The following SUGCT variants were observed in gnomAD, a reference collection of about 807,000 sequenced individuals.
SUGCT encodes succinyl-CoA:glutarate-CoA transferase.
In SUGCT, 41 loss-of-function variants were observed where a neutral mutation model predicts 55.0. The ratio of observed to expected loss-of-function variants is 0.74; its 90% confidence interval spans 0.58 to 0.97. The LOEUF (loss-of-function observed/expected upper bound fraction) is 0.97. Among genes scored for constraint, SUGCT ranks in the 50% least tolerant of loss-of-function variants. SUGCT has a pLI of 0.00. For synonymous variants in SUGCT, 187 were observed against 200.4 expected, an observed-to-expected ratio of 0.93 and a Z score of 0.56; for missense variants, 568 against 547.8, an observed-to-expected ratio of 1.04 and a Z score of -0.37.
the SUGCT span, among the ~76,000 whole-genome samples, chr7:40,878,484 T>C: frequency 6.6e-6 from 1 of 152,214 alleles, no homozygotes; most frequent in Non-Finnish European, 1.5e-5. Flanking sequence ...GAGCTGACTA[T>C]TGGGCTGAAA....
At chr7:40,847,407 C>CTTTTTT (rs1338885686) in intron 13 of SUGCT, among the ~76,000 whole-genome samples, 6 of 117,852 alleles carry the variant, frequency 5.1e-5, no homozygotes, top group African/African-American at 1.4e-4. Flanking sequence ...TCTTTTCTTT[C>CTTTTTT]TTTCTTTTTT....
chr7:40,590,007 A>G (rs977130883), intron 12 of SUGCT, among the ~76,000 whole-genome samples: 39 of 152,090 alleles, frequency 2.6e-4, no homozygotes, highest in African/African-American at 8.9e-4. Context: ...GTTTGAACAT[A>G]TGCTCACTTT....
At chr7:40,793,444 CTT>C (rs968433887) in intron 13 of SUGCT, among the ~76,000 whole-genome samples, 32 of 152,122 alleles carry the variant, frequency 2.1e-4, no homozygotes, top group Admixed American at 1.9e-3. Context: ...AACATCTATG[CTT>C]GTGGCTGCAT....
rs369629532 is a variant in SUGCT at position 40,164,057 on chromosome 7, C to A, written c.101-16890C>A. Reference sequence around the variant, plus strand: ...ATGGTCTCGAACTCCTGGCCTCAGGCGATCTGTCCACCTCGGCCCCCCAAA... The same window carrying A: ...ATGGTCTCGAACTCCTGGCCTCAGGAGATCTGTCCACCTCGGCCCCCCAAA... On this transcript the variant is annotated intron_variant, in intron 1 of 13. Coordinates refer to ENST00000335693, the MANE Select transcript of SUGCT (RefSeq NM_001193313.2). 4.4e-4 allele frequency among the ~76,000 whole-genome samples: 66 copies of A among 151,602 alleles called. 1 individual carries two copies. In the South Asian group the frequency reaches 0.012, roughly 28 times the overall value.
At chr7:40,291,390 C>A (rs569955015) in intron 8 of SUGCT, among the ~76,000 whole-genome samples, 5,545 of 149,728 alleles carry the variant, frequency 0.037, 366 homozygotes, top group African/African-American at 0.13. Context: ...TCATTCTCAG[C>A]AAACTATTGC....
chr7:40,348,602 T>C (rs913681350), intron 9 of SUGCT, among the ~76,000 whole-genome samples: 14 of 152,184 alleles, frequency 9.2e-5, no homozygotes, highest in Admixed American at 9.2e-4. Context: ...CCACCTTTTT[T>C]GTTTGGGTTA....
chr7:40,854,146 T>C (rs1793996554), intron 13 of SUGCT, among the ~76,000 whole-genome samples: 1 of 152,268 alleles, frequency 6.6e-6, no homozygotes. Flanking sequence ...GATTTTTCCA[T>C]GCACTTTTTT....
At chr7:40,959,067 T>G in the SUGCT span, among the ~76,000 whole-genome samples, 1 of 152,160 alleles carries the variant, frequency 6.6e-6, no homozygotes, top group African/African-American at 2.4e-5. Context: ...ACCCACCAGA[T>G]GCCAGCCAGA....
intron 7 of SUGCT, among the ~76,000 whole-genome samples, chr7:40,272,159 T>G (rs1418082975): frequency 3.0e-5 from 1 of 33,158 alleles, no homozygotes; most frequent in Non-Finnish European, 5.3e-5. Context: ...TATATATATA[T>G]ATATATATAT....
At chr7:40,989,605 TAAA>T in the SUGCT span, among the ~76,000 whole-genome samples, 1 of 132,548 alleles carries the variant, frequency 7.5e-6, no homozygotes, top group Non-Finnish European at 1.6e-5. Flanking sequence ...CCATCTCTAC[TAAA>T]AAAAAAAAAA....
At chr7:40,624,614 AG>A (rs1799427718) in intron 12 of SUGCT, among the ~76,000 whole-genome samples, 1 of 152,182 alleles carries the variant, frequency 6.6e-6, no homozygotes, top group Non-Finnish European at 1.5e-5. Flanking sequence ...TTTGAAAAAC[AG>A]CCAAATGCAC....
chr7:40,618,285 C>T (rs1221810371), intron 12 of SUGCT, among the ~76,000 whole-genome samples: 1 of 152,116 alleles, frequency 6.6e-6, no homozygotes, highest in African/African-American at 2.4e-5. Flanking sequence ...TATGGCAAGT[C>T]CATCTTTCCC....
the SUGCT span, among the ~76,000 whole-genome samples, chr7:40,995,380 C>A: frequency 2.3e-5 from 1 of 44,152 alleles, no homozygotes; most frequent in African/African-American, 1.3e-4. Context: ...CCTATAATAG[C>A]TGTTATTATT....
chr7:40,214,660 A>G (rs1055361635), intron 6 of SUGCT, among the ~76,000 whole-genome samples: 1 of 152,158 alleles, frequency 6.6e-6, no homozygotes, highest in African/African-American at 2.4e-5. Flanking sequence ...TCATGCCTGT[A>G]ATCCGAGCAC....
chr7:40,215,141 C>T (rs1355139186), intron 6 of SUGCT, among the ~76,000 whole-genome samples: 2 of 151,894 alleles, frequency 1.3e-5, no homozygotes, highest in Non-Finnish European at 1.5e-5. Flanking sequence ...ATACTTTGAA[C>T]ACTTTTTTTT....
intron 12 of SUGCT, among the ~76,000 whole-genome samples, chr7:40,692,095 CG>C (rs1784726550): frequency 6.6e-6 from 1 of 151,926 alleles, no homozygotes; most frequent in Non-Finnish European, 1.5e-5. Context: ...CCTAGTCACT[CG>C]TTAATAATGT....
the SUGCT span, among the ~76,000 whole-genome samples, chr7:40,880,698 G>T: frequency 6.6e-6 from 1 of 152,074 alleles, no homozygotes; most frequent in Admixed American, 6.5e-5. Flanking sequence ...AAAATCACTG[G>T]GCCAGAGAAT....
At chr7:40,500,441 A>G (rs764400405) in intron 12 of SUGCT, among the ~76,000 whole-genome samples, 6 of 152,166 alleles carry the variant, frequency 3.9e-5, no homozygotes, top group Non-Finnish European at 7.4e-5. Context: ...GGATACCAAA[A>G]CAAAACCCCA....
chr7:41,014,913 A>C, the SUGCT span, among the ~76,000 whole-genome samples: 1 of 152,222 alleles, frequency 6.6e-6, no homozygotes, highest in African/African-American at 2.4e-5. Context: ...TGATCAAATA[A>C]AAGCATGCAG....
Sources: gnomAD v4.1 joint callset for allele counts (sites outside exome capture counted in the v4.1 genomes callset) on GRCh38, gnomAD v4.1.1 for gene constraint, MANE v1.5 for transcripts, NCBI Gene and HGNC (gene_info 2026-07-23, HGNC 2026-07-21) for gene names.